The following CGGBP1 variants were observed in gnomAD, a reference collection of about 807,000 sequenced individuals.
CGGBP1 encodes CGG triplet repeat binding protein 1.
In CGGBP1, 4 loss-of-function variants were observed where a neutral mutation model predicts 11.4. The observed-to-expected ratio is 0.35, with a 90% CI of 0.17 to 0.80. CGGBP1 has a LOEUF of 0.80. Ranked by LOEUF, CGGBP1 falls within the 30% of genes least tolerant of loss-of-function variation. CGGBP1 has a pLI of 0.52. For missense variants in CGGBP1, 135 were observed against 202.1 expected (o/e 0.67, Z 2.01); for synonymous variants, 76 against 74.1 (o/e 1.03, Z -0.13).
chr3:88,148,800 A>G (rs1428555399), intron 1 of CGGBP1, among the ~76,000 whole-genome samples: 3 of 151,968 alleles, frequency 2.0e-5, no homozygotes, highest in Non-Finnish European at 2.9e-5. Flanking sequence ...CCACCATGCC[A>G]GGCTAATTTT....
At chr3:88,141,596 G>A (rs576478011) in intron 1 of CGGBP1, 30 of 1,384,478 alleles carry the variant, frequency 2.2e-5, no homozygotes, top group East Asian at 5.1e-5. Context: ...TTGGAATTCC[G>A]GTCGAATGTC....
intron 2 of CGGBP1, among the ~76,000 whole-genome samples, chr3:88,081,551 T>C (rs943841035): frequency 5.9e-5 from 9 of 152,234 alleles, no homozygotes; most frequent in African/African-American, 1.7e-4. Context: ...TATTTAATTA[T>C]TTGTATCAGT....
chr3:88,124,651 G>T (rs1559726227), intron 2 of CGGBP1, among the ~76,000 whole-genome samples: 1 of 151,980 alleles, frequency 6.6e-6, no homozygotes, highest in Non-Finnish European at 1.5e-5. Context: ...CTGAAAATAT[G>T]TTTTTTTAAA....
At chr3:88,087,797 T>C (rs1225162894) in intron 2 of CGGBP1, among the ~76,000 whole-genome samples, 3 of 152,214 alleles carry the variant, frequency 2.0e-5, no homozygotes, top group Non-Finnish European at 2.9e-5. Flanking sequence ...TTTTTTAATG[T>C]AGTTCAATCA....
intron 2 of CGGBP1, among the ~76,000 whole-genome samples, chr3:88,072,447 T>A (rs1373825197): frequency 6.6e-6 from 1 of 152,188 alleles, no homozygotes; most frequent in African/African-American, 2.4e-5. Context: ...TCTAGCTCTG[T>A]GACTTTTTCT....
At chr3:88,087,657 ACAC>A (rs1708407148) in intron 2 of CGGBP1, among the ~76,000 whole-genome samples, 1 of 152,248 alleles carries the variant, frequency 6.6e-6, no homozygotes, top group Non-Finnish European at 1.5e-5. Context: ...AATTGTACTC[ACAC>A]CACAACAGTG....
At chr3:88,058,573 G>A (rs951821159) in intron 1 of CGGBP1, among the ~76,000 whole-genome samples, 2 of 152,240 alleles carry the variant, frequency 1.3e-5, no homozygotes, top group Admixed American at 6.5e-5. Flanking sequence ...GCAAGGCCGA[G>A]TCCCAGGTGC....
intron 1 of CGGBP1, among the ~76,000 whole-genome samples, chr3:88,147,961 C>A (rs1055383410): frequency 2.2e-4 from 33 of 152,160 alleles, no homozygotes; most frequent in Non-Finnish European, 1.5e-4. Context: ...GATTAAGAAA[C>A]CCTGCGTTAG....
Position 88,054,409 on chromosome 3 carries a change from TCCAATACAAAAAA to T in CGGBP1, c.*1051_*1063del, listed in dbSNP as rs1340544234. The stretch of plus-strand genomic sequence containing the variant: ...AAGTTATGCAGGATACTGCCAGATC[TCCAATACAAAAAA>T]CCTGCCAGAATTTCTAGACAATTGT... On this transcript the variant is annotated 3_prime_UTR_variant, in exon 4 of 4. Coordinates refer to ENST00000482016, the MANE Select transcript of CGGBP1 (RefSeq NM_001008390.2). The T allele has an allele frequency of 6.6e-6, 1 of 152,090 alleles. No individual in the cohort carries two copies. The highest frequency in any genetic ancestry group is 1.5e-5 in the Non-Finnish European group (1 of 68,004). The allele number at this position is 152,090 out of a possible 1,614,324, so 9.4% of individuals were successfully genotyped here.
chr3:88,054,322 G>A lies in CGGBP1; in HGVS notation c.*1151C>T, dbSNP rs1366258242. The A allele has an allele frequency of 1.3e-5, 2 of 152,320 alleles. No homozygotes were observed. The highest frequency in any genetic ancestry group is 2.4e-5 in the African/African-American group (1 of 41,452). 9.4% of individuals were successfully genotyped at this position (152,320 alleles called of 1,614,324 possible). A position where few individuals can be genotyped will look rare whatever the true frequency, so the allele number is the denominator to read the frequency against. Reference sequence around the variant, plus strand: ...CTTGGATAACCTTACAGGATAGTGAGGTTCAAACAGAGATCATTTCCTGAA... The same window carrying A: ...CTTGGATAACCTTACAGGATAGTGAAGTTCAAACAGAGATCATTTCCTGAA... On this transcript the variant is annotated 3_prime_UTR_variant, in exon 4 of 4. Coordinates refer to ENST00000482016, the MANE Select transcript of CGGBP1 (RefSeq NM_001008390.2).
chr3:88,136,331 T>G (rs1475192141), intron 2 of CGGBP1, among the ~76,000 whole-genome samples: 1 of 152,130 alleles, frequency 6.6e-6, no homozygotes, highest in African/African-American at 2.4e-5. Flanking sequence ...AAATATATTA[T>G]AAAAGGAAAA....
chr3:88,130,915 A>G lies in CGGBP1; in HGVS notation c.-229+10055T>C, dbSNP rs375930010. 3.3e-5 allele frequency among the ~76,000 whole-genome samples: 5 copies of G among 152,138 alleles called. No individual in the cohort carries two copies. The East Asian group carries it at 9.6e-4, about 29-fold the overall frequency. On this transcript the variant is annotated intron_variant, in intron 2 of 3. Transcript: ENST00000462901. Reference sequence around the variant, plus strand: ...GCTAATTTTTATTTAAAATTATACCATGTAAATTGGAATTTCAAATAGAGA... The same window carrying G: ...GCTAATTTTTATTTAAAATTATACCGTGTAAATTGGAATTTCAAATAGAGA...
chr3:88,069,002 T>G (rs1707354136), intron 2 of CGGBP1, among the ~76,000 whole-genome samples: 2 of 152,168 alleles, frequency 1.3e-5, no homozygotes, highest in Admixed American at 1.3e-4. Context: ...TAAAGCAGTT[T>G]TGATTGAGTG....
At chr3:88,107,414 C>A (rs1247337000) in intron 2 of CGGBP1, among the ~76,000 whole-genome samples, 1 of 152,138 alleles carries the variant, frequency 6.6e-6, no homozygotes, top group Admixed American at 6.5e-5. Context: ...CTATATCTTT[C>A]TCTGTTTATC....
chr3:88,146,522 G>A (rs1432723941), intron 1 of CGGBP1, among the ~76,000 whole-genome samples: 5 of 152,148 alleles, frequency 3.3e-5, no homozygotes, highest in Admixed American at 1.3e-4. Context: ...GTGCAAAAAG[G>A]TGTGGGGATC....
intron 2 of CGGBP1, among the ~76,000 whole-genome samples, chr3:88,112,191 T>G (rs989825418): frequency 6.6e-6 from 1 of 151,874 alleles, no homozygotes; most frequent in Non-Finnish European, 1.5e-5. Flanking sequence ...TTTTGTAATA[T>G]TTAGGTCTTA....
chr3:88,148,404 G>A lies in CGGBP1; in HGVS notation c.-338+1307C>T, dbSNP rs182917736. On this transcript the variant is annotated intron_variant, in intron 1 of 3. Coordinates refer to the CGGBP1 transcript ENST00000462901. ...CGTGGTCCCATACCAACATATTTTA[G>A]CACTTATCTTGTCATCTCTTTACTA... Among the ~76,000 whole-genome samples the A allele has an allele frequency of 2.6e-5, 4 of 152,232 alleles. No homozygotes were observed. The East Asian group carries it at 7.7e-4, about 29-fold the overall frequency.
chr3:88,139,386 G>T (rs1343844424), intron 2 of CGGBP1: 1 of 1,613,548 alleles, frequency 6.2e-7, no homozygotes, highest in Non-Finnish European at 8.5e-7. Context: ...AGGCAGTTTT[G>T]CATGTGTAAT....
chr3:88,109,708 C>T (rs942030691), intron 2 of CGGBP1, among the ~76,000 whole-genome samples: 24 of 152,068 alleles, frequency 1.6e-4, no homozygotes, highest in African/African-American at 4.6e-4. Flanking sequence ...GGGAATATCC[C>T]GGATAATTAT....
Sources: gnomAD v4.1 joint callset for allele counts (sites outside exome capture counted in the v4.1 genomes callset) on GRCh38, gnomAD v4.1.1 for gene constraint, MANE v1.5 for transcripts, NCBI Gene and HGNC (gene_info 2026-07-23, HGNC 2026-07-21) for gene names.